AUTS2: variants seen among roughly 807,000 people sequenced by gnomAD.
AUTS2 encodes the protein autism susceptibility gene 2 protein.
In AUTS2, 17 loss-of-function variants were observed where a neutral mutation model predicts 112.4. The ratio of observed to expected loss-of-function variants is 0.15; its 90% CI spans 0.10 to 0.23. The LOEUF is 0.23. AUTS2 is among the 10% of genes least tolerant of loss of function. AUTS2 has a pLI of 1.00. For missense variants in AUTS2, 1,510 were observed against 1,701.6 expected (o/e 0.89, Z 1.98); for synonymous variants, 751 against 702.7 (o/e 1.07, Z -1.09).
chr7:69,773,694 G>T (rs1406445839), intron 1 of AUTS2, among the ~76,000 whole-genome samples: 13 of 152,152 alleles, frequency 8.5e-5, no homozygotes, highest in Admixed American at 7.9e-4. Flanking sequence ...TCTGCCAGGT[G>T]GTGTCAGGAG....
At chr7:70,427,388 T>C (rs1217028290) in intron 4 of AUTS2, among the ~76,000 whole-genome samples, 2 of 152,204 alleles carry the variant, frequency 1.3e-5, no homozygotes, top group Admixed American at 1.3e-4. Flanking sequence ...GTAAATTTCA[T>C]CTTTGGGGTT....
At chr7:69,602,165 T>G (rs1263588218) in intron 1 of AUTS2, among the ~76,000 whole-genome samples, 2 of 151,880 alleles carry the variant, frequency 1.3e-5, no homozygotes, top group African/African-American at 2.4e-5. Flanking sequence ...GCTTGTGATA[T>G]ATATCTATTT....
At chr7:69,839,482 C>T (rs1008862326) in intron 1 of AUTS2, among the ~76,000 whole-genome samples, 1 of 152,064 alleles carries the variant, frequency 6.6e-6, no homozygotes, top group East Asian at 1.9e-4. Flanking sequence ...ACTTAATCCC[C>T]AAGTTTCTTC....
At chr7:70,765,692 A>T (rs1789893851) in intron 8 of AUTS2, among the ~76,000 whole-genome samples, 1 of 152,166 alleles carries the variant, frequency 6.6e-6, no homozygotes, top group Non-Finnish European at 1.5e-5. Flanking sequence ...GTTCCCAAGC[A>T]CTTAAACGTG....
intron 1 of AUTS2, among the ~76,000 whole-genome samples, chr7:69,671,085 G>A (rs994963013): frequency 1.3e-5 from 2 of 152,168 alleles, no homozygotes; most frequent in Non-Finnish European, 2.9e-5. Context: ...AGTATAAAAA[G>A]AAATGTTTAG....
In AUTS2 at chr7:70,094,058, C is replaced by G. The variant is rs752551833; in HGVS notation, c.523-24074C>G. Among the ~76,000 whole-genome samples, 38 of 152,194 alleles carry G rather than the reference C, an allele frequency of 2.5e-4. 1 individual carries two copies. The highest frequency in any genetic ancestry group is 5.9e-5 in the Non-Finnish European group (4 of 68,036). ...GTATTGACTCTCTTTGTGCCCTTTT[C>G]TTTCATTGTCACTCCATCATTTCCA... On this transcript the variant is annotated intron_variant, in intron 2 of 18. Transcript: ENST00000342771.
intron 4 of AUTS2, among the ~76,000 whole-genome samples, chr7:70,151,973 A>G (rs754383485): frequency 1.4e-4 from 21 of 152,220 alleles, no homozygotes; most frequent in Non-Finnish European, 2.1e-4. Context: ...GGTATTCCGT[A>G]TGTTCAGACA....
At chr7:69,864,022 G>A (rs948224356) in intron 1 of AUTS2, among the ~76,000 whole-genome samples, 1 of 152,154 alleles carries the variant, frequency 6.6e-6, no homozygotes, top group Non-Finnish European at 1.5e-5. Flanking sequence ...AAATAATGCA[G>A]GGGTGGGAGT....
intron 1 of AUTS2, among the ~76,000 whole-genome samples, chr7:69,758,971 T>C (rs1385448213): frequency 2.0e-5 from 3 of 152,106 alleles, no homozygotes; most frequent in Admixed American, 6.5e-5. Context: ...AAAAAATAAA[T>C]AAATAAATGT....
At chr7:70,507,822 A>G (rs1170819477) in intron 5 of AUTS2, among the ~76,000 whole-genome samples, 2 of 152,164 alleles carry the variant, frequency 1.3e-5, no homozygotes, top group Admixed American at 6.5e-5. Flanking sequence ...AAGAAAAAGT[A>G]ACTAAGACAT....
In AUTS2 at chr7:70,434,554, G is replaced by A. The variant is rs891526261; in HGVS notation, c.661-1198G>A. 6.6e-5 allele frequency among the ~76,000 whole-genome samples: 10 copies of A among 152,128 alleles called. No individual in the cohort carries two copies. The East Asian group carries it at 1.7e-3, about 26-fold the overall frequency. The stretch of plus-strand genomic sequence containing the variant: ...TTGGTTCTACCTTCAGAATTGCTGT[G>A]CCATCTGCTTCTGCCTTCCTAAACC... On this transcript the variant is annotated intron_variant, in intron 4 of 18. Coordinates refer to ENST00000342771, the MANE Select transcript of AUTS2 (RefSeq NM_015570.4).
chr7:69,954,010 CAG>C (rs917119108), intron 2 of AUTS2, among the ~76,000 whole-genome samples: 17 of 152,222 alleles, frequency 1.1e-4, no homozygotes, highest in African/African-American at 2.6e-4. Context: ...TGACAGACTG[CAG>C]AGTGTTTGCT....
intron 5 of AUTS2, among the ~76,000 whole-genome samples, chr7:70,607,870 G>C (rs919792574): frequency 1.3e-5 from 2 of 152,210 alleles, no homozygotes; most frequent in Non-Finnish European, 2.9e-5. Flanking sequence ...TTTACTTAAA[G>C]TTAAAAGTTA....
intron 4 of AUTS2, among the ~76,000 whole-genome samples, chr7:70,364,622 A>T (rs1412773690): frequency 6.6e-6 from 1 of 150,382 alleles, no homozygotes; most frequent in Non-Finnish European, 1.5e-5. Flanking sequence ...AATAAAAATT[A>T]AAAAGGGCTC....
At chr7:70,711,227 C>T (rs1454417825) in intron 6 of AUTS2, among the ~76,000 whole-genome samples, 1 of 152,214 alleles carries the variant, frequency 6.6e-6, no homozygotes, top group Admixed American at 6.5e-5. Context: ...TACACCTCCA[C>T]CTTCTGTATT....
At chr7:70,233,886 G>T (rs1287124739) in intron 4 of AUTS2, among the ~76,000 whole-genome samples, 1 of 152,220 alleles carries the variant, frequency 6.6e-6, no homozygotes, top group Non-Finnish European at 1.5e-5. Context: ...TACCGCAAGG[G>T]TTAAATTTGC....
chr7:70,099,406 G>C (rs191940487), intron 2 of AUTS2, among the ~76,000 whole-genome samples: 10 of 152,054 alleles, frequency 6.6e-5, no homozygotes, highest in Admixed American at 6.5e-5. Context: ...TGTTCTCTAC[G>C]TGTTGAATTT....
Position 70,750,829 on chromosome 7 carries a change from G to C in AUTS2, c.743-12041G>C, listed in dbSNP as rs190485493. On this transcript the variant is annotated intron_variant, in intron 6 of 18. Transcript: ENST00000342771. ...ACAATCATCAGATGCAAAGCAGGAA[G>C]GTGGTAGATGACGGACAGTATGTAA... Among the ~76,000 whole-genome samples, 1,370 of 152,356 alleles carry C rather than the reference G, an allele frequency of 9.0e-3. 15 individuals carry two copies. Among genetic ancestry groups the C allele is most frequent in the Non-Finnish European group, 0.014 (943 of 68,032 alleles).
chr7:69,781,121 GTT>G (rs1789127939), intron 1 of AUTS2, among the ~76,000 whole-genome samples: 1 of 152,168 alleles, frequency 6.6e-6, no homozygotes. Flanking sequence ...AAATCTCTCA[GTT>G]TAGCCTTTTC....
Sources: allele counts gnomAD v4.1 joint callset (sites outside exome capture counted in the v4.1 genomes callset), GRCh38; gene constraint gnomAD v4.1.1; transcripts MANE v1.5; gene names NCBI Gene and HGNC (gene_info 2026-07-23, HGNC 2026-07-21).